ZDHHC11: variants seen among roughly 807,000 people sequenced by gnomAD.
ZDHHC11 encodes the protein palmitoyltransferase ZDHHC11.
Under a neutral mutation model 51.3 loss-of-function variants are expected in ZDHHC11, and 44 were observed. The ratio of observed to expected loss-of-function variants is 0.86; its 90% confidence interval spans 0.67 to 1.10. The LOEUF is 1.10. Among genes scored for constraint, ZDHHC11 ranks in the 50% least tolerant of loss-of-function variants. ZDHHC11 has a pLI of 0.00. For synonymous variants in ZDHHC11, 163 were observed against 222.0 expected, an observed-to-expected ratio of 0.73 and a Z score of 2.36; for missense variants, 400 against 537.7, an observed-to-expected ratio of 0.74 and a Z score of 2.53.
At chr5:812,744 C>T (rs925007800) in intron 11 of ZDHHC11, among the ~76,000 whole-genome samples, 2 of 151,396 alleles carry the variant, frequency 1.3e-5, no homozygotes, top group African/African-American at 4.9e-5. Context: ...GTGCTTCTTG[C>T]AATTTTGTTT....
intron 10 of ZDHHC11, among the ~76,000 whole-genome samples, chr5:815,377 G>A (rs1221289359): frequency 6.6e-5 from 7 of 105,890 alleles, no homozygotes; most frequent in East Asian, 5.5e-4. Context: ...GTGCACACAC[G>A]TTGTTCTCAG....
chr5:843,897 GA>G (rs1745576091), intron 3 of ZDHHC11, among the ~76,000 whole-genome samples, 173 bp from the exon 4 acceptor site: 1 of 114,576 alleles, frequency 8.7e-6, no homozygotes, highest in African/African-American at 4.4e-5. Flanking sequence ...TGGGGGCGGG[GA>G]GGCAGGGGCA....
At chr5:837,704 G>A (rs182878735) in intron 5 of ZDHHC11, among the ~76,000 whole-genome samples, 3 of 151,928 alleles carry the variant, frequency 2.0e-5, no homozygotes, top group East Asian at 1.9e-4. Flanking sequence ...CTGCAGCTGC[G>A]ACCTGGGGAA....
chr5:857,776 C>T lies in ZDHHC11; in HGVS notation c.-1+1098G>A, dbSNP rs138829463. On this transcript the variant is annotated intron_variant, in intron 1 of 3. Transcript: ENST00000685990. ...TGACACCGTGGTCCCCCGAGTCTGTCCCGGTCCCCATCCTGTCTTTATGAC... is the reference window on the plus strand; with the variant it reads ...TGACACCGTGGTCCCCCGAGTCTGTTCCGGTCCCCATCCTGTCTTTATGAC... 6.0e-5 allele frequency among the ~76,000 whole-genome samples: 9 copies of T among 150,338 alleles called. No homozygotes were observed. The East Asian group carries it at 1.6e-3, about 27-fold the overall frequency.
chr5:851,927 A>G (rs575278523), upstream of ZDHHC11, among the ~76,000 whole-genome samples: 1 of 152,236 alleles, frequency 6.6e-6, no homozygotes, highest in Non-Finnish European at 1.5e-5. Flanking sequence ...ATGGTGGCAC[A>G]TGCCTCTAAT....
chr5:807,567 T>C (rs1049344128), intron 11 of ZDHHC11, among the ~76,000 whole-genome samples: 1 of 151,654 alleles, frequency 6.6e-6, no homozygotes, highest in Non-Finnish European at 1.5e-5. Context: ...TTCGTGTGAC[T>C]CTGGGCACCT....
chr5:807,384 G>A (rs146889201), intron 11 of ZDHHC11, among the ~76,000 whole-genome samples: 2,839 of 150,868 alleles, frequency 0.019, 18 homozygotes, highest in African/African-American at 0.066. Flanking sequence ...GAGCATGAGC[G>A]GGGTGCAAGG....
upstream of ZDHHC11, among the ~76,000 whole-genome samples, chr5:851,581 C>CAATT: frequency 6.6e-6 from 1 of 152,322 alleles, no homozygotes; most frequent in South Asian, 2.1e-4. Context: ...AAATAGTTAA[C>CAATT]AATTCTTCGT....
rs1737468009 is a variant in ZDHHC11 at position 795,670 on chromosome 5, G to GCTTGT, written c.*917_*918insACAAG. 6.5e-6 allele frequency: 1 copy of GCTTGT among 154,036 alleles called. No homozygotes were observed. The highest frequency in any genetic ancestry group is 2.4e-5 in the African/African-American group (1 of 41,310). 9.5% of individuals were successfully genotyped at this position (154,036 alleles called of 1,614,324 possible). The stretch of plus-strand genomic sequence containing the variant: ...TCTTTTAAAAAATGACTACTAAACA[G>GCTTGT]ATTAAAATGCAGAGTTCATTAAAAT... On this transcript the variant is annotated 3_prime_UTR_variant, in exon 13 of 13. Transcript: ENST00000283441.
chr5:827,828 G>T (rs1393019128), intron 7 of ZDHHC11, among the ~76,000 whole-genome samples: 5 of 150,728 alleles, frequency 3.3e-5, no homozygotes, highest in African/African-American at 1.2e-4. Flanking sequence ...TGGAGGGAAG[G>T]TCAACAGAAA....
intron 11 of ZDHHC11, among the ~76,000 whole-genome samples, chr5:801,491 C>A (rs1449940371): frequency 6.6e-6 from 1 of 151,826 alleles, no homozygotes; most frequent in Non-Finnish European, 1.5e-5. Context: ...AAATGTGGGG[C>A]CCACAGGAGG....
chr5:824,334 G>A (rs1379418350), intron 8 of ZDHHC11, among the ~76,000 whole-genome samples: 1 of 151,378 alleles, frequency 6.6e-6, no homozygotes, highest in African/African-American at 2.4e-5. Flanking sequence ...GGTGGCATAC[G>A]CTTGTACTTT....
chr5:848,595 G>A lies in ZDHHC11; in HGVS notation c.288C>T (p.Ala96=), dbSNP rs113894763. ...VHLIASCIDP[A]DSNVRLMKNY... ...TCTTCATGAGTCTGACATTGGAGTC[G>A]GCCGGGTCGATGCAGGACGCGATCA... The change falls in exon 2 of 13, where the codon GCC becomes GCT. Residue 96 remains alanine, a synonymous_variant. Transcript: ENST00000283441. 69,485 of 1,597,532 alleles carry A rather than the reference G, an allele frequency of 0.043. 1,467 individuals carry two copies. The highest frequency in any genetic ancestry group is 0.048 in the Non-Finnish European group (56,153 of 1,170,956).
chr5:856,483 C>T (rs1311349963), intron 1 of ZDHHC11, among the ~76,000 whole-genome samples: 1 of 151,186 alleles, frequency 6.6e-6, no homozygotes, highest in African/African-American at 2.4e-5. Context: ...CGAGACCACA[C>T]AATCCACAAC....
intron 1 of ZDHHC11, among the ~76,000 whole-genome samples, chr5:857,945 A>T (rs1748495790): frequency 1.4e-5 from 2 of 140,080 alleles, no homozygotes; most frequent in African/African-American, 5.4e-5. Context: ...TTATGACACC[A>T]GGCCCCTAGA....
At chr5:859,300 G>A (rs1748666462), upstream of ZDHHC11, among the ~76,000 whole-genome samples, 1 of 152,108 alleles carries the variant, frequency 6.6e-6, no homozygotes, top group Non-Finnish European at 1.5e-5. Context: ...AGTCTAAGAT[G>A]AAAGTTTACT....
chr5:847,379 C>T, intron 3 of ZDHHC11, 135 bp downstream of exon 3: 1 of 1,372,796 alleles, frequency 7.3e-7, no homozygotes, highest in South Asian at 1.3e-5. Flanking sequence ...CACCAAGCGC[C>T]ACCACATCAG....
chr5:844,080 G>A (rs1439907925), intron 3 of ZDHHC11, among the ~76,000 whole-genome samples: 1 of 151,870 alleles, frequency 6.6e-6, no homozygotes, highest in Non-Finnish European at 1.5e-5. Context: ...GCAGGGTGGA[G>A]GTGACAGGTC....
chr5:843,339 T>C, intron 4 of ZDHHC11: 2 of 589,472 alleles, frequency 3.4e-6, no homozygotes, highest in Non-Finnish European at 2.8e-6. Context: ...GACCCCACTG[T>C]CTCTCGCCTG....
Sources: gnomAD v4.1 joint callset for allele counts (sites outside exome capture counted in the v4.1 genomes callset) on GRCh38, gnomAD v4.1.1 for gene constraint, MANE v1.5 for transcripts, NCBI Gene and HGNC (gene_info 2026-07-23, HGNC 2026-07-21) for gene names.